NTRK3: variants seen among roughly 807,000 people sequenced by gnomAD.
NTRK3 encodes neurotrophic receptor tyrosine kinase 3.
A neutral mutation model predicts 91.7 loss-of-function variants in NTRK3; 24 were observed. That is an observed-to-expected ratio of 0.26 (90% CI 0.19 to 0.37). NTRK3 has a LOEUF of 0.37. Ranked by LOEUF, NTRK3 falls within the 10% of genes least tolerant of loss-of-function variation. The pLI is 1.00. For synonymous variants in NTRK3, 483 were observed against 404.0 expected, an observed-to-expected ratio of 1.20 and a Z score of -2.34; for missense variants, 880 against 1,068.9, an observed-to-expected ratio of 0.82 and a Z score of 2.46.
intron 13 of NTRK3, among the ~76,000 whole-genome samples, chr15:88,065,789 C>T (rs1175811268): frequency 1.3e-5 from 2 of 152,204 alleles, no homozygotes; most frequent in Non-Finnish European, 2.9e-5. Flanking sequence ...CTCTGTTGAA[C>T]TGGCTGATCT....
At chr15:87,989,385 C>T (rs2141468943) in intron 14 of NTRK3, among the ~76,000 whole-genome samples, 1 of 152,274 alleles carries the variant, frequency 6.6e-6, no homozygotes, top group South Asian at 2.1e-4. Flanking sequence ...CCATCATTCT[C>T]AGCAAACTAT....
intron 5 of NTRK3, among the ~76,000 whole-genome samples, chr15:88,148,888 G>A (rs1333440947): frequency 6.6e-6 from 1 of 152,156 alleles, no homozygotes; most frequent in East Asian, 1.9e-4. Context: ...GATTTCTATT[G>A]GATTGGATTT....
chr15:88,045,317 G>T (rs991971632), intron 13 of NTRK3, among the ~76,000 whole-genome samples: 1 of 152,148 alleles, frequency 6.6e-6, no homozygotes, highest in Non-Finnish European at 1.5e-5. Flanking sequence ...CCATCCTGCT[G>T]TTGATTGTCC....
chr15:88,136,474 G>A, exon 8 of NTRK3: 1 of 1,614,152 alleles, frequency 6.2e-7, no homozygotes, highest in East Asian at 2.2e-5. Flanking sequence ...TACCTGGTGA[G>A]TGTTGATGGA....
intron 17 of NTRK3, chr15:87,925,670 C>G (rs904860913): frequency 5.2e-6 from 1 of 193,428 alleles, no homozygotes; most frequent in Non-Finnish European, 1.1e-5. Flanking sequence ...GTATACTGAA[C>G]AAAAAAGTTT....
At chr15:88,223,169 C>T (rs2050382736) in intron 3 of NTRK3, among the ~76,000 whole-genome samples, 1 of 152,246 alleles carries the variant, frequency 6.6e-6, no homozygotes, top group South Asian at 2.1e-4. Flanking sequence ...GGAACACCCC[C>T]AGCACACGGC....
intron 17 of NTRK3, among the ~76,000 whole-genome samples, chr15:87,918,383 C>A (rs957580980): frequency 2.6e-5 from 4 of 152,212 alleles, no homozygotes; most frequent in Admixed American, 2.0e-4. Context: ...ACCAACATTT[C>A]TTTCCATGCA....
intron 14 of NTRK3, among the ~76,000 whole-genome samples, chr15:87,989,766 T>C (rs147202825): frequency 0.03 from 4,593 of 151,708 alleles, 245 homozygotes; most frequent in African/African-American, 0.1. Flanking sequence ...ACTACCACAC[T>C]TGGCTAATTT....
intron 14 of NTRK3, among the ~76,000 whole-genome samples, chr15:88,022,175 C>T (rs1167547792): frequency 6.6e-6 from 1 of 152,108 alleles, no homozygotes; most frequent in Non-Finnish European, 1.5e-5. Context: ...ATATGAGCTT[C>T]CTGGGGTGTT....
At chr15:88,071,165 G>A (rs1030250248) in intron 13 of NTRK3, among the ~76,000 whole-genome samples, 4 of 152,196 alleles carry the variant, frequency 2.6e-5, no homozygotes, top group Non-Finnish European at 4.4e-5. Flanking sequence ...TCCCAGGCCC[G>A]ATGAACTGAG....
chr15:88,212,284 G>A (rs999987660), intron 3 of NTRK3, among the ~76,000 whole-genome samples: 14 of 152,148 alleles, frequency 9.2e-5, no homozygotes, highest in Non-Finnish European at 1.9e-4. Context: ...GCAGGAGAAT[G>A]GAGTGAACCT....
At chr15:88,185,553 AT>A (rs2046876392) in intron 3 of NTRK3, among the ~76,000 whole-genome samples, 1 of 152,166 alleles carries the variant, frequency 6.6e-6, no homozygotes, top group South Asian at 2.1e-4. Flanking sequence ...GCACCAAAGG[AT>A]CTCGGGAAAA....
exon 19 of NTRK3, chr15:87,869,053 T>C (rs2064759496): frequency 4.4e-6 from 1 of 228,890 alleles, no homozygotes; most frequent in South Asian, 1.8e-4. Context: ...AGCATTAAGA[T>C]ATGCTGTGAA....
chr15:88,170,672 A>T (rs896937819), intron 5 of NTRK3, among the ~76,000 whole-genome samples: 4 of 152,216 alleles, frequency 2.6e-5, no homozygotes, highest in African/African-American at 9.6e-5. Context: ...CGACCAGGGC[A>T]GCAGAAGAAC....
At chr15:88,008,289 A>C (rs1354106225) in intron 14 of NTRK3, among the ~76,000 whole-genome samples, 1 of 152,136 alleles carries the variant, frequency 6.6e-6, no homozygotes, top group Non-Finnish European at 1.5e-5. Flanking sequence ...ACCTGGTTCT[A>C]TTTCTACCAA....
intron 13 of NTRK3, among the ~76,000 whole-genome samples, chr15:88,115,193 G>A (rs1000360640): frequency 6.6e-6 from 1 of 152,196 alleles, no homozygotes; most frequent in African/African-American, 2.4e-5. Flanking sequence ...CAAGCTCTTG[G>A]ATGGCCCCTG....
At chr15:88,022,900 A>C (rs898873699) in intron 14 of NTRK3, among the ~76,000 whole-genome samples, 1 of 152,234 alleles carries the variant, frequency 6.6e-6, no homozygotes, top group East Asian at 1.9e-4. Flanking sequence ...TGAGGCACAG[A>C]GCAGATGAGG....
intron 13 of NTRK3, among the ~76,000 whole-genome samples, chr15:88,075,446 C>T (rs562440169): frequency 1.2e-4 from 19 of 152,292 alleles, no homozygotes; most frequent in East Asian, 5.8e-4. Context: ...AGCAGCTTAA[C>T]GGTCCTAATA....
At chr15:87,933,175 C>T (rs1395756451) in exon 16 of NTRK3, 3 of 1,614,076 alleles carry the variant, frequency 1.9e-6, no homozygotes, top group South Asian at 2.2e-5. Context: ...AGGGTGGGAT[C>T]CTTCAGGGCC....
Sources: gnomAD v4.1 joint callset for allele counts (sites outside exome capture counted in the v4.1 genomes callset) on GRCh38, gnomAD v4.1.1 for gene constraint, MANE v1.5 for transcripts, NCBI Gene and HGNC (gene_info 2026-07-23, HGNC 2026-07-21) for gene names.